The following FNIP1 variants were observed in gnomAD, a reference collection of about 807,000 sequenced individuals.
FNIP1 encodes folliculin interacting protein 1.
Under a neutral mutation model 124.5 loss-of-function variants are expected in FNIP1, and 40 were observed. The ratio of observed to expected loss-of-function variants is 0.32; its 90% CI spans 0.25 to 0.42. FNIP1 has a LOEUF of 0.42. FNIP1 is among the 10% of genes least tolerant of loss of function. The pLI is 1.00. For synonymous variants in FNIP1, 472 were observed against 470.6 expected, an observed-to-expected ratio of 1.00 and a Z score of -0.04; for missense variants, 1,176 against 1,403.7, an observed-to-expected ratio of 0.84 and a Z score of 2.59.
At chr5:131,702,902 C>T (rs1326579539) in intron 10 of FNIP1, among the ~76,000 whole-genome samples, 2 of 152,174 alleles carry the variant, frequency 1.3e-5, no homozygotes, top group South Asian at 2.1e-4. Flanking sequence ...TCGTCAAACT[C>T]TTAATGTTAA....
chr5:131,695,566 A>G (rs1462369904), intron 11 of FNIP1, among the ~76,000 whole-genome samples: 1 of 152,218 alleles, frequency 6.6e-6, no homozygotes, highest in Admixed American at 6.5e-5. Context: ...TGCACTACAA[A>G]TTAAAAAAGA....
chr5:131,693,301 T>TATATATATATATAC (rs1768549864), intron 11 of FNIP1, among the ~76,000 whole-genome samples: 2 of 25,620 alleles, frequency 7.8e-5, no homozygotes, highest in Non-Finnish European at 2.0e-4. Flanking sequence ...TATATACATA[T>TATATATATATATAC]ATATATATAT....
intron 15 of FNIP1, among the ~76,000 whole-genome samples, chr5:131,667,150 G>GCA (rs1265185620): frequency 1.3e-5 from 2 of 152,178 alleles, no homozygotes; most frequent in African/African-American, 4.8e-5. Context: ...TCTTCCTCAG[G>GCA]CACTACTTTT....
chr5:131,790,507 C>G (rs1477906344), intron 1 of FNIP1, among the ~76,000 whole-genome samples: 1 of 130,930 alleles, frequency 7.6e-6, no homozygotes, highest in Admixed American at 7.8e-5. Flanking sequence ...AAAAAAGGCA[C>G]CTACTTAGTT....
chr5:131,723,372 A>C (rs1249151999), intron 3 of FNIP1, among the ~76,000 whole-genome samples: 2 of 152,338 alleles, frequency 1.3e-5, no homozygotes, highest in East Asian at 3.9e-4. Flanking sequence ...ACTATTATAC[A>C]AATAAAATAA....
intron 11 of FNIP1, among the ~76,000 whole-genome samples, chr5:131,694,627 T>G (rs974664386): frequency 3.3e-5 from 5 of 152,076 alleles, no homozygotes; most frequent in African/African-American, 1.2e-4. Context: ...CACAGGGGAT[T>G]TTTAGGGCGG....
chr5:131,791,567 TG>T (rs1182285593), intron 1 of FNIP1, among the ~76,000 whole-genome samples: 1 of 152,230 alleles, frequency 6.6e-6, no homozygotes, highest in Non-Finnish European at 1.5e-5. Flanking sequence ...GCATCAGAAT[TG>T]CCTGGAGGGG....
At position 131,685,120 on chromosome 5, in the gene FNIP1, C is replaced by T. The variant is rs149794587; in HGVS notation, c.1203-5945G>A. 3.2e-3 allele frequency among the ~76,000 whole-genome samples: 487 copies of T among 152,250 alleles called. 3 individuals carry two copies. Among genetic ancestry groups the T allele is most frequent in the African/African-American group, 0.011 (460 of 41,542 alleles). ...AAAACAACTTAAACCAGACAAGGCA[C>T]GGTGGCTCATGCCTGTAATCCCAGT... On this transcript the variant is annotated intron_variant, in intron 11 of 17. Coordinates refer to ENST00000510461, the MANE Select transcript of FNIP1 (RefSeq NM_133372.3).
rs752122235 is a variant in FNIP1 at position 131,704,282 on chromosome 5, T to A, written c.915-16A>T. On this transcript the variant is annotated splice_polypyrimidine_tract_variant and intron_variant, in intron 9 of 17. Coordinates refer to ENST00000510461, the MANE Select transcript of FNIP1 (RefSeq NM_133372.3). ...TTCTATAGACCTTAAAAATAAATGA[T>A]TTTTTATTAATTTACAAAAGTAAAA... 6.5e-7 allele frequency: 1 copy of A among 1,529,448 alleles called. No homozygotes were observed. The allele number at this position is 1,529,448 out of a possible 1,614,324, so 94.7% of individuals were successfully genotyped here.
rs142391857 is a variant in FNIP1 at position 131,672,758 on chromosome 5, G to C, written c.1686C>G (p.Ile562Met). Residue 562 changes from isoleucine to methionine, a missense_variant, in exon 14 of 18, where the codon ATC (isoleucine) becomes ATG (methionine). This residue lies in a region of FNIP1 where 1,109 missense variants were observed against 1,288.5 expected (regional missense o/e 0.86). Transcript: ENST00000510461. ...HLLENGEDEA[I>M]VMPGTVITTT... ...TAGTAATTACTGTGCCTGGCATAAC[G>C]ATGGCTTCATCTTCTCCATTTTCTA... 14 of 1,613,362 alleles carry C rather than the reference G, an allele frequency of 8.7e-6. No individual in the cohort carries two copies. The highest frequency in any genetic ancestry group is 1.1e-5 in the Non-Finnish European group (13 of 1,179,832).
At chr5:131,675,992 G>A (rs1767899555) in intron 13 of FNIP1, among the ~76,000 whole-genome samples, 1 of 151,746 alleles carries the variant, frequency 6.6e-6, no homozygotes, top group Non-Finnish European at 1.5e-5. Flanking sequence ...CTAAGTGGCT[G>A]GGATTATAGG....
intron 15 of FNIP1, among the ~76,000 whole-genome samples, chr5:131,658,040 C>CAAA (rs543062745): frequency 3.5e-5 from 2 of 57,302 alleles, no homozygotes; most frequent in Admixed American, 2.1e-4. Context: ...GACTCCATCT[C>CAAA]AAAAAAAAAA....
At chr5:131,753,552 C>G (rs1770950757) in intron 1 of FNIP1, among the ~76,000 whole-genome samples, 1 of 152,124 alleles carries the variant, frequency 6.6e-6, no homozygotes, top group Non-Finnish European at 1.5e-5. Flanking sequence ...AACTAATGGA[C>G]AATGATAGAA....
In FNIP1 at chr5:131,671,533, C is replaced by A. The variant is rs139117851; in HGVS notation, c.2911G>T (p.Ala971Ser). Reference sequence around the variant, plus strand: ...GGAAAAGGTATCTCATCCTCTTCTGCCCAATCTTCTTGCTCTCCTCCATAA... The same window carrying A: ...GGAAAAGGTATCTCATCCTCTTCTGACCAATCTTCTTGCTCTCCTCCATAA... ...SYYGGEQEDW[A>S]EEDEIPFPGS... is the part of the protein sequence containing the mutation. Residue 971 changes from alanine to serine, a missense_variant, in exon 14 of 18, where the codon GCA becomes TCA. Coordinates refer to ENST00000510461, the MANE Select transcript of FNIP1 (RefSeq NM_133372.3). 6.9e-4 allele frequency: 1,108 copies of A among 1,611,558 alleles called. 11 individuals carry two copies. The highest frequency in any genetic ancestry group is 5.1e-3 in the South Asian group (466 of 91,004).
intron 11 of FNIP1, among the ~76,000 whole-genome samples, chr5:131,698,330 A>C (rs948508733): frequency 6.6e-6 from 1 of 152,208 alleles, no homozygotes; most frequent in Non-Finnish European, 1.5e-5. Context: ...CGAGGGAGAC[A>C]TATCAGTCAC....
At chr5:131,753,797 T>C (rs766271582) in intron 1 of FNIP1, among the ~76,000 whole-genome samples, 1 of 152,172 alleles carries the variant, frequency 6.6e-6, no homozygotes, top group Non-Finnish European at 1.5e-5. Context: ...CATTACATTA[T>C]GGACATCTCA....
At chr5:131,699,073 TAGAC>T in intron 10 of FNIP1, 71 bp from the exon 11 acceptor site, 1 of 1,226,148 alleles carries the variant, frequency 8.2e-7, no homozygotes, top group Non-Finnish European at 1.1e-6. Flanking sequence ...AAGTCTTTTT[TAGAC>T]AGAGTCACAT....
At chr5:131,742,396 G>A (rs944383088) in intron 2 of FNIP1, among the ~76,000 whole-genome samples, 1 of 152,220 alleles carries the variant, frequency 6.6e-6, no homozygotes, top group Non-Finnish European at 1.5e-5. Flanking sequence ...CCTGGAGGCA[G>A]AGGTTTCAGT....
At chr5:131,790,617 A>G (rs2149590665) in intron 1 of FNIP1, among the ~76,000 whole-genome samples, 1 of 152,334 alleles carries the variant, frequency 6.6e-6, no homozygotes, top group African/African-American at 2.4e-5. Context: ...TTAACACTGA[A>G]GAAAAGGCTC....
Sources: gnomAD v4.1 joint callset for allele counts (sites outside exome capture counted in the v4.1 genomes callset) on GRCh38, gnomAD v4.1.1 for gene constraint, gnomAD v4.1.1 regional missense constraint, MANE v1.5 for transcripts, NCBI Gene and HGNC (gene_info 2026-07-23, HGNC 2026-07-21) for gene names.